Variants in SLIT2 observed in about 807,000 individuals in gnomAD.
SLIT2 encodes slit guidance ligand 2.
In SLIT2, 41 loss-of-function variants were observed where a neutral mutation model predicts 185.7. That is an observed-to-expected ratio of 0.22 (90% CI 0.17 to 0.29). The LOEUF (loss-of-function observed/expected upper bound fraction) is 0.29. SLIT2 is among the 10% of genes least tolerant of loss of function. SLIT2 has a pLI of 1.00. For missense variants in SLIT2, 1,571 were observed against 1,909.0 expected, an observed-to-expected ratio of 0.82 and a Z score of 3.30; for synonymous variants, 693 against 680.2, an observed-to-expected ratio of 1.02 and a Z score of -0.29.
At chr4:20,512,767 C>T (rs971621740) in intron 11 of SLIT2, among the ~76,000 whole-genome samples, 1 of 152,072 alleles carries the variant, frequency 6.6e-6, no homozygotes, top group African/African-American at 2.4e-5. Flanking sequence ...TCAAAGATAA[C>T]CATTAAATGT....
intron 4 of SLIT2, among the ~76,000 whole-genome samples, chr4:20,305,090 T>A (rs1023103703): frequency 4.6e-5 from 7 of 152,216 alleles, no homozygotes; most frequent in Admixed American, 4.6e-4. Context: ...AAATGTTTGC[T>A]GAATGTAATA....
rs749137982 is a variant in SLIT2 at position 20,589,648 on chromosome 4, G to A, written c.3093G>A (p.Glu1031=). The change falls in exon 30 of 37, where the codon GAG becomes GAA. Residue 1031 remains glutamate (E), a synonymous_variant. Coordinates refer to ENST00000504154, the MANE Select transcript of SLIT2 (RefSeq NM_004787.4). ...TCLCPPEYTG[E]LCEEKLDFCA... ...ACACTGTTTGCCCTGTTGCAGGTGA[G>A]TTGTGTGAGGAGAAGCTGGACTTCT... 3 of 1,613,650 alleles carry A rather than the reference G, an allele frequency of 1.9e-6. No homozygotes were observed. Among genetic ancestry groups the A allele is most frequent in the Admixed American group, 1.7e-5 (1 of 60,006 alleles).
intron 31 of SLIT2, 122 bp from the exon 32 acceptor site, chr4:20,596,293 G>A: frequency 1.1e-6 from 1 of 945,316 alleles, no homozygotes; most frequent in Non-Finnish European, 1.6e-6. Context: ...AAGAATACTT[G>A]AAAACTGGAA....
chr4:20,603,165 T>C (rs1050077408), intron 33 of SLIT2, among the ~76,000 whole-genome samples: 4 of 152,274 alleles, frequency 2.6e-5, no homozygotes, highest in African/African-American at 9.6e-5. Context: ...GCGAAAGGAA[T>C]GTCTTACATG....
intron 4 of SLIT2, among the ~76,000 whole-genome samples, chr4:20,306,822 G>T (rs1395313582): frequency 1.3e-5 from 2 of 151,812 alleles, no homozygotes; most frequent in Admixed American, 6.6e-5. Flanking sequence ...ACCACTTCTG[G>T]TATTTCCCCA....
At chr4:20,492,601 G>A (rs912942046) in intron 9 of SLIT2, among the ~76,000 whole-genome samples, 6 of 152,056 alleles carry the variant, frequency 3.9e-5, no homozygotes, top group Non-Finnish European at 8.8e-5. Flanking sequence ...AAGCACTAGG[G>A]AAAATTGTTA....
intron 4 of SLIT2, among the ~76,000 whole-genome samples, chr4:20,381,981 C>T (rs1263204609): frequency 1.3e-5 from 2 of 151,718 alleles, no homozygotes; most frequent in South Asian, 2.1e-4. Context: ...ATACAAAACT[C>T]CTTTTTAAAA....
At chr4:20,500,522 A>G (rs1718632274) in intron 9 of SLIT2, among the ~76,000 whole-genome samples, 1 of 152,080 alleles carries the variant, frequency 6.6e-6, no homozygotes. Flanking sequence ...ATATGAAAAC[A>G]CCCTCAATAT....
intron 4 of SLIT2, among the ~76,000 whole-genome samples, chr4:20,367,007 C>T (rs1472301386): frequency 6.6e-6 from 1 of 152,020 alleles, no homozygotes; most frequent in Non-Finnish European, 1.5e-5. Flanking sequence ...CTCTGTTGTC[C>T]AGGCTGCTCT....
At chr4:20,448,624 A>T (rs1316249660) in intron 4 of SLIT2, among the ~76,000 whole-genome samples, 1 of 151,538 alleles carries the variant, frequency 6.6e-6, no homozygotes. Flanking sequence ...GCTGGCCCCA[A>T]AGTATTATTA....
intron 1 of SLIT2, among the ~76,000 whole-genome samples, chr4:20,255,661 T>A (rs542951566): frequency 6.8e-6 from 1 of 147,254 alleles, no homozygotes; most frequent in Admixed American, 6.7e-5. Flanking sequence ...AAAAAGGGAA[T>A]GCACTTGGGT....
At chr4:20,447,996 G>A (rs1045484973) in intron 4 of SLIT2, among the ~76,000 whole-genome samples, 34 of 152,138 alleles carry the variant, frequency 2.2e-4, no homozygotes, top group African/African-American at 6.8e-4. Flanking sequence ...GAAAAGATTG[G>A]TTAAAAAGAA....
intron 29 of SLIT2, among the ~76,000 whole-genome samples, chr4:20,581,295 G>C (rs1726544846): frequency 6.6e-6 from 1 of 152,058 alleles, no homozygotes; most frequent in South Asian, 2.1e-4. Context: ...AGCCATATTG[G>C]ATTAGGGCCT....
intron 4 of SLIT2, among the ~76,000 whole-genome samples, chr4:20,385,606 A>G (rs1401762436): frequency 6.6e-6 from 1 of 152,168 alleles, no homozygotes. Context: ...TCGGTGAAAT[A>G]AAGTCAGTTG....
At chr4:20,322,585 G>A (rs1719192921) in intron 4 of SLIT2, among the ~76,000 whole-genome samples, 1 of 151,938 alleles carries the variant, frequency 6.6e-6, no homozygotes, top group African/African-American at 2.4e-5. Flanking sequence ...TTTCAAGTCT[G>A]TGTTTATGCC....
intron 9 of SLIT2, among the ~76,000 whole-genome samples, chr4:20,504,310 C>T (rs1249045772): frequency 1.3e-5 from 2 of 152,110 alleles, no homozygotes; most frequent in Non-Finnish European, 2.9e-5. Context: ...AGACTATGCT[C>T]TATTCTGTGG....
chr4:20,432,594 A>G (rs570673989), intron 4 of SLIT2, among the ~76,000 whole-genome samples: 9 of 151,326 alleles, frequency 5.9e-5, no homozygotes, highest in African/African-American at 1.7e-4. Flanking sequence ...TTTAGAGTTA[A>G]TAGGTGTTGT....
At chr4:20,397,302 G>T (rs964675297) in intron 4 of SLIT2, among the ~76,000 whole-genome samples, 2 of 151,750 alleles carry the variant, frequency 1.3e-5, no homozygotes, top group African/African-American at 4.8e-5. Flanking sequence ...CTTTGATAAA[G>T]TGAGGATAAC....
chr4:20,441,360 A>G (rs17538221), intron 4 of SLIT2, among the ~76,000 whole-genome samples: 33,413 of 152,082 alleles, frequency 0.22, 3,901 homozygotes, highest in Non-Finnish European at 0.27. Context: ...TCCTACTTAA[A>G]TTTGGTTCAA....
Sources: gnomAD v4.1 joint callset for allele counts (sites outside exome capture counted in the v4.1 genomes callset) on GRCh38, gnomAD v4.1.1 for gene constraint, MANE v1.5 for transcripts, NCBI Gene and HGNC (gene_info 2026-07-23, HGNC 2026-07-21) for gene names.